The following ENOX1 variants were observed in gnomAD, a reference collection of about 807,000 sequenced individuals.
ENOX1 encodes candidate growth-related and time keeping constitutive hydroquinone (NADH) oxidase.
A neutral mutation model predicts 82.5 loss-of-function variants in ENOX1; 42 were observed. That is an observed-to-expected ratio of 0.51 (90% confidence interval 0.40 to 0.66). The LOEUF (loss-of-function observed/expected upper bound fraction) is 0.66, where lower values mean the gene tolerates loss of function less well. Among genes scored for constraint, ENOX1 ranks in the 30% least tolerant of loss-of-function variants. The probability of loss-of-function intolerance (pLI) is 0.00; values close to 1 mark genes in which losing one functional copy is unlikely to be tolerated. For missense variants in ENOX1, 608 were observed against 811.6 expected, an observed-to-expected ratio of 0.75 and a Z score of 3.05; for synonymous variants, 271 against 282.2, an observed-to-expected ratio of 0.96 and a Z score of 0.40.
At chr13:43,569,673 A>AAAC (rs1215665154) in intron 2 of ENOX1, among the ~76,000 whole-genome samples, 6 of 151,236 alleles carry the variant, frequency 4.0e-5, no homozygotes, top group Non-Finnish European at 8.9e-5. Context: ...GTTTAAAAAA[A>AAAC]AAACTGTATT....
intron 2 of ENOX1, among the ~76,000 whole-genome samples, chr13:43,500,833 A>G (rs1267313921): frequency 1.3e-5 from 2 of 151,938 alleles, no homozygotes; most frequent in African/African-American, 4.8e-5. Flanking sequence ...TAATAAACAT[A>G]GTTTTTGTGT....
At chr13:43,444,019 G>A (rs955870415) in intron 3 of ENOX1, among the ~76,000 whole-genome samples, 32 of 152,192 alleles carry the variant, frequency 2.1e-4, no homozygotes, top group African/African-American at 7.7e-4. Context: ...AGGATGTGAA[G>A]TACTTTGGTA....
intron 9 of ENOX1, among the ~76,000 whole-genome samples, chr13:43,337,738 TACACACACACACATAC>T (rs1314200424): frequency 6.6e-6 from 1 of 151,936 alleles, no homozygotes; most frequent in African/African-American, 2.4e-5. Flanking sequence ...ATTTTCATTT[TACACACACACACATAC>T]ACACACACAC....
intron 12 of ENOX1, among the ~76,000 whole-genome samples, chr13:43,281,285 C>A (rs2045367323): frequency 6.6e-6 from 1 of 152,174 alleles, no homozygotes; most frequent in Non-Finnish European, 1.5e-5. Flanking sequence ...ATACCTGCTG[C>A]TGAAATCTAT....
chr13:43,592,323 T>G (rs2081280521), intron 2 of ENOX1, among the ~76,000 whole-genome samples: 1 of 152,222 alleles, frequency 6.6e-6, no homozygotes, highest in Non-Finnish European at 1.5e-5. Flanking sequence ...CATAACTTAG[T>G]GCATACTGCA....
At chr13:43,781,854 T>C (rs1181635287) in intron 1 of ENOX1, among the ~76,000 whole-genome samples, 4 of 152,166 alleles carry the variant, frequency 2.6e-5, no homozygotes, top group South Asian at 2.1e-4. Flanking sequence ...TTAAACTCTA[T>C]GTGTATGTGG....
intron 1 of ENOX1, among the ~76,000 whole-genome samples, chr13:43,690,904 G>A (rs147802071): frequency 2.0e-5 from 3 of 152,312 alleles, no homozygotes; most frequent in African/African-American, 7.2e-5. Context: ...TCTGAGGTGG[G>A]AGAAGGGCAA....
intron 3 of ENOX1, among the ~76,000 whole-genome samples, chr13:43,432,834 G>A (rs1281836247): frequency 1.3e-5 from 2 of 151,736 alleles, no homozygotes; most frequent in South Asian, 4.2e-4. Flanking sequence ...TTTTAAGGGG[G>A]ATTCAGACAC....
At chr13:43,411,796 G>T in intron 5 of ENOX1, 120 bp downstream of exon 5, 1 of 1,271,668 alleles carries the variant, frequency 7.9e-7, no homozygotes, top group Non-Finnish European at 1.1e-6. Flanking sequence ...TGCCAAACAT[G>T]CCCCAGTCAT....
chr13:43,536,040 G>A (rs185120277), intron 2 of ENOX1, among the ~76,000 whole-genome samples: 69 of 152,228 alleles, frequency 4.5e-4, no homozygotes, highest in African/African-American at 1.6e-3. Context: ...GTCTTGCACC[G>A]TTCTACACAT....
chr13:43,420,803 G>A (rs1011521876), intron 3 of ENOX1, among the ~76,000 whole-genome samples: 2 of 152,124 alleles, frequency 1.3e-5, no homozygotes, highest in Non-Finnish European at 2.9e-5. Flanking sequence ...GGGTATTGGG[G>A]AGCACTTAGA....
intron 2 of ENOX1, among the ~76,000 whole-genome samples, chr13:43,612,653 C>T (rs570192815): frequency 6.6e-6 from 1 of 152,280 alleles, no homozygotes; most frequent in Non-Finnish European, 1.5e-5. Context: ...TTTTCCTCCA[C>T]AAGAACTTGT....
At chr13:43,542,173 T>C (rs1415125668) in intron 2 of ENOX1, among the ~76,000 whole-genome samples, 1 of 152,162 alleles carries the variant, frequency 6.6e-6, no homozygotes, top group East Asian at 1.9e-4. Context: ...GAAATCTTGC[T>C]CTGTCGTTCT....
chr13:43,524,433 CAT>C (rs761701298), intron 2 of ENOX1, among the ~76,000 whole-genome samples: 1 of 152,080 alleles, frequency 6.6e-6, no homozygotes, highest in Non-Finnish European at 1.5e-5. Flanking sequence ...TCACTCTTGA[CAT>C]GTTTACTTCT....
At chr13:43,257,377 A>G (rs1010469908) in intron 14 of ENOX1, among the ~76,000 whole-genome samples, 1 of 152,246 alleles carries the variant, frequency 6.6e-6, no homozygotes, top group Non-Finnish European at 1.5e-5. Context: ...TTATATGAAT[A>G]TATGAAAATA....
intron 3 of ENOX1, among the ~76,000 whole-genome samples, chr13:43,440,778 A>T (rs1322233942): frequency 1.3e-5 from 2 of 152,214 alleles, no homozygotes; most frequent in Non-Finnish European, 2.9e-5. Flanking sequence ...ATTTTTAAAA[A>T]TACTAAATAT....
At chr13:43,468,779 C>T (rs1185370644) in intron 3 of ENOX1, among the ~76,000 whole-genome samples, 1 of 152,140 alleles carries the variant, frequency 6.6e-6, no homozygotes, top group African/African-American at 2.4e-5. Context: ...CATGATTAAT[C>T]TCTTTCAATG....
At chr13:43,493,545 C>G (rs946033750) in intron 2 of ENOX1, among the ~76,000 whole-genome samples, 4 of 152,218 alleles carry the variant, frequency 2.6e-5, no homozygotes, top group Admixed American at 2.6e-4. Context: ...TTCACCATTC[C>G]TTTGCCTTCT....
intron 14 of ENOX1, among the ~76,000 whole-genome samples, chr13:43,250,329 C>T (rs572647352): frequency 6.6e-6 from 1 of 152,304 alleles, no homozygotes; most frequent in East Asian, 1.9e-4. Flanking sequence ...TGCAGTCAGT[C>T]TTGAGTGAGT....
Sources: gnomAD v4.1 joint callset for allele counts (sites outside exome capture counted in the v4.1 genomes callset) on GRCh38, gnomAD v4.1.1 for gene constraint, MANE v1.5 for transcripts, NCBI Gene and HGNC (gene_info 2026-07-23, HGNC 2026-07-21) for gene names.